TMEM132D: variants seen among roughly 807,000 people sequenced by gnomAD.
TMEM132D encodes the protein mature OL transmembrane protein.
In TMEM132D, 21 loss-of-function variants were observed where a neutral mutation model predicts 62.3. The observed-to-expected ratio is 0.34, with a 90% CI of 0.24 to 0.49. TMEM132D has a LOEUF of 0.49. TMEM132D is among the 20% of genes least tolerant of loss of function. TMEM132D has a pLI of 0.99. For synonymous variants in TMEM132D, 621 were observed against 575.6 expected (o/e 1.08, Z -1.13); for missense variants, 1,346 against 1,402.8 (o/e 0.96, Z 0.65).
At chr12:129,511,187 C>T (rs556747505) in intron 3 of TMEM132D, among the ~76,000 whole-genome samples, 2 of 152,278 alleles carry the variant, frequency 1.3e-5, no homozygotes, top group South Asian at 4.1e-4. Flanking sequence ...GAATTCAATT[C>T]CCTTCTCTTC....
intron 4 of TMEM132D, among the ~76,000 whole-genome samples, chr12:129,282,704 T>C (rs937649365): frequency 5.9e-5 from 9 of 152,166 alleles, no homozygotes; most frequent in Non-Finnish European, 1.3e-4. Flanking sequence ...ATTAGAAAAC[T>C]CCACAGAAAT....
chr12:129,471,797 C>T (rs528897193), intron 3 of TMEM132D, among the ~76,000 whole-genome samples: 11 of 152,310 alleles, frequency 7.2e-5, no homozygotes, highest in African/African-American at 2.6e-4. Context: ...GAATGTGAAA[C>T]AACCAACCTT....
intron 5 of TMEM132D, among the ~76,000 whole-genome samples, chr12:129,204,766 G>A (rs950236954): frequency 1.3e-5 from 2 of 152,144 alleles, no homozygotes; most frequent in East Asian, 3.8e-4. Context: ...AATGTTAAGG[G>A]CAGCTAGAGA....
intron 2 of TMEM132D, among the ~76,000 whole-genome samples, chr12:129,559,548 C>T (rs879524403): frequency 1.3e-5 from 2 of 152,124 alleles, no homozygotes; most frequent in African/African-American, 2.4e-5. Context: ...TAATATTTTA[C>T]GTGTGTGAGA....
At chr12:129,431,549 C>T (rs987495644) in intron 3 of TMEM132D, among the ~76,000 whole-genome samples, 21 of 152,172 alleles carry the variant, frequency 1.4e-4, no homozygotes, top group African/African-American at 4.8e-4. Context: ...CTAACCACAT[C>T]ACACCAGCGT....
At chr12:129,451,901 T>C (rs913632750) in intron 3 of TMEM132D, among the ~76,000 whole-genome samples, 18 of 152,210 alleles carry the variant, frequency 1.2e-4, no homozygotes, top group African/African-American at 3.9e-4. Context: ...GAAGTTGTTT[T>C]ACCTGGGAGC....
intron 2 of TMEM132D, among the ~76,000 whole-genome samples, chr12:129,586,904 G>A (rs974615404): frequency 6.6e-6 from 1 of 152,054 alleles, no homozygotes; most frequent in Admixed American, 6.6e-5. Context: ...AAGAAAATAT[G>A]AGATAGATAC....
At chr12:129,285,539 A>AAAAAAAAACAAAAAAG (rs56018646) in intron 4 of TMEM132D, among the ~76,000 whole-genome samples, 1 of 90,030 alleles carries the variant, frequency 1.1e-5, no homozygotes, top group Non-Finnish European at 2.1e-5. Flanking sequence ...AAAAAAAAAA[A>AAAAAAAAACAAAAAAG]AGAGAGAGAG....
chr12:129,280,850 C>A (rs1224375309), intron 4 of TMEM132D, among the ~76,000 whole-genome samples: 1 of 151,370 alleles, frequency 6.6e-6, no homozygotes, highest in Non-Finnish European at 1.5e-5. Flanking sequence ...AAACATATAT[C>A]CTATTGGTTT....
chr12:129,667,577 T>C (rs1425944311), intron 2 of TMEM132D, among the ~76,000 whole-genome samples: 2 of 152,176 alleles, frequency 1.3e-5, no homozygotes, highest in Non-Finnish European at 2.9e-5. Flanking sequence ...TCTAGTGTTT[T>C]AAACCTTTAA....
intron 3 of TMEM132D, among the ~76,000 whole-genome samples, chr12:129,358,675 G>T (rs894207117): frequency 3.3e-5 from 5 of 152,160 alleles, no homozygotes; most frequent in Non-Finnish European, 4.4e-5. Context: ...AGAGGTATTT[G>T]GTGAAATAAC....
chr12:129,469,822 A>C (rs974561498), intron 3 of TMEM132D, among the ~76,000 whole-genome samples: 2 of 152,226 alleles, frequency 1.3e-5, no homozygotes, highest in African/African-American at 4.8e-5. Context: ...AAATACAAAA[A>C]ATATTTTGCA....
intron 3 of TMEM132D, among the ~76,000 whole-genome samples, chr12:129,505,353 C>T (rs1412360903): frequency 6.6e-6 from 1 of 152,024 alleles, no homozygotes; most frequent in Non-Finnish European, 1.5e-5. Flanking sequence ...TGCCATTCTC[C>T]TGCCTCAGCC....
At chr12:129,444,075 T>C (rs981063302) in intron 3 of TMEM132D, among the ~76,000 whole-genome samples, 1 of 152,114 alleles carries the variant, frequency 6.6e-6, no homozygotes, top group African/African-American at 2.4e-5. Flanking sequence ...AAATTGAAAC[T>C]GGACCCTTTC....
chr12:129,881,122 A>G (rs977526361), intron 1 of TMEM132D, among the ~76,000 whole-genome samples: 4 of 152,088 alleles, frequency 2.6e-5, no homozygotes, highest in African/African-American at 9.6e-5. Context: ...AGGATATTAC[A>G]TATTTATAAA....
At chr12:129,427,419 G>A (rs1452700176) in intron 3 of TMEM132D, among the ~76,000 whole-genome samples, 1 of 149,066 alleles carries the variant, frequency 6.7e-6, no homozygotes, top group Non-Finnish European at 1.5e-5. Flanking sequence ...GGTCGGGGGA[G>A]GGGGCAGGGA....
chr12:129,557,336 A>C (rs1487216808), intron 2 of TMEM132D, among the ~76,000 whole-genome samples: 1 of 152,210 alleles, frequency 6.6e-6, no homozygotes, highest in Non-Finnish European at 1.5e-5. Flanking sequence ...CAGACAGTAT[A>C]ATGGTGACTG....
intron 5 of TMEM132D, among the ~76,000 whole-genome samples, chr12:129,146,173 A>C (rs7309853): frequency 0.56 from 85,303 of 151,778 alleles, 24,905 homozygotes; most frequent in African/African-American, 0.72. Flanking sequence ...CATCGTACTG[A>C]ACCTCTCCAG....
chr12:129,218,674 T>C (rs1410477290), intron 4 of TMEM132D, among the ~76,000 whole-genome samples: 1 of 152,242 alleles, frequency 6.6e-6, no homozygotes, highest in Middle Eastern at 3.2e-3. Flanking sequence ...TCAAAGTATA[T>C]TGGTTTTTGA....
Sources: gnomAD v4.1 joint callset for allele counts (sites outside exome capture counted in the v4.1 genomes callset) on GRCh38, gnomAD v4.1.1 for gene constraint, MANE v1.5 for transcripts, NCBI Gene and HGNC (gene_info 2026-07-23, HGNC 2026-07-21) for gene names.